The following SPIRE1 variants were observed in gnomAD, a reference collection of about 807,000 sequenced individuals.
The protein encoded by SPIRE1 is protein spire homolog 1.
Under a neutral mutation model 94.1 loss-of-function variants are expected in SPIRE1, and 40 were observed. The observed-to-expected ratio is 0.43, with a 90% CI of 0.33 to 0.55. The LOEUF (loss-of-function observed/expected upper bound fraction) is 0.55. Among genes scored for constraint, SPIRE1 ranks in the 20% least tolerant of loss-of-function variants. The pLI is 0.06. For missense variants in SPIRE1, 838 were observed against 975.2 expected, an observed-to-expected ratio of 0.86 and a Z score of 1.87; for synonymous variants, 376 against 371.7, an observed-to-expected ratio of 1.01 and a Z score of -0.13.
chr18:12,635,861 C>A (rs752589850), intron 1 of SPIRE1, among the ~76,000 whole-genome samples: 4 of 151,504 alleles, frequency 2.6e-5, no homozygotes, highest in Non-Finnish European at 5.9e-5. Context: ...AATTATACTG[C>A]GTACTAGAAA....
chr18:12,509,267 T>C (rs2033946074), intron 5 of SPIRE1, among the ~76,000 whole-genome samples: 1 of 152,238 alleles, frequency 6.6e-6, no homozygotes, highest in Non-Finnish European at 1.5e-5. Flanking sequence ...TCTACGCAAA[T>C]ATAACTCCCT....
chr18:12,477,940 T>G (rs2143740295), intron 10 of SPIRE1, among the ~76,000 whole-genome samples: 2 of 152,080 alleles, frequency 1.3e-5, no homozygotes, highest in South Asian at 4.2e-4. Context: ...CAGGGAGCCT[T>G]CCGAAGGTTT....
At position 12,559,847 on chromosome 18, in the gene SPIRE1, C is replaced by G. The variant is rs969518211; in HGVS notation, c.373-12943G>C. Among the ~76,000 whole-genome samples, 2 of 152,158 alleles carry G rather than the reference C, an allele frequency of 1.3e-5. No individual in the cohort carries two copies. Among genetic ancestry groups the G allele is most frequent in the African/African-American group, 4.8e-5 (2 of 41,424 alleles). Reference sequence around the variant, plus strand: ...GAGAAAATATGTGCAAACTGTCCATCTGACAAGGGGTAATAACCACAATAT... The same window carrying G: ...GAGAAAATATGTGCAAACTGTCCATGTGACAAGGGGTAATAACCACAATAT... On this transcript the variant is annotated intron_variant, in intron 2 of 16. Transcript: ENST00000409402. The surrounding 1 kb of genome is among the most constrained non-coding windows in gnomAD (Gnocchi z 4.7).
intron 16 of SPIRE1, 72 bp from the exon 17 acceptor site, chr18:12,449,968 T>A: frequency 1.4e-6 from 2 of 1,433,752 alleles, no homozygotes; most frequent in Admixed American, 2.2e-5. Flanking sequence ...AAAATATGTA[T>A]AAAAAAAAGT....
chr18:12,471,086 CAA>C (rs1245252171), intron 10 of SPIRE1, among the ~76,000 whole-genome samples: 1 of 118,550 alleles, frequency 8.4e-6, no homozygotes, highest in Non-Finnish European at 1.7e-5. Flanking sequence ...TGGCTACAAT[CAA>C]AACTCATCTT....
chr18:12,470,439 A>G (rs769746796), intron 10 of SPIRE1, among the ~76,000 whole-genome samples: 1 of 152,132 alleles, frequency 6.6e-6, no homozygotes, highest in East Asian at 1.9e-4. Context: ...GTCCCTGAAT[A>G]CCCACAACAG....
intron 14 of SPIRE1, 121 bp from the exon 15 acceptor site, chr18:12,452,633 C>G: frequency 1.0e-6 from 1 of 996,278 alleles, no homozygotes; most frequent in East Asian, 2.5e-5. Flanking sequence ...CTCCCTTCTT[C>G]TATTAGAATG....
At chr18:12,566,986 T>G (rs1003218569) in intron 2 of SPIRE1, among the ~76,000 whole-genome samples, 49 of 152,238 alleles carry the variant, frequency 3.2e-4, no homozygotes, top group African/African-American at 1.1e-3. Context: ...CCAAGAAAAT[T>G]ATACACCACA....
chr18:12,612,987 A>G (rs1284927359), intron 2 of SPIRE1, among the ~76,000 whole-genome samples: 1 of 152,160 alleles, frequency 6.6e-6, no homozygotes, highest in Non-Finnish European at 1.5e-5. Flanking sequence ...TACTTTCCAT[A>G]GCACTCAGCA....
At chr18:12,594,183 G>T (rs1337630770) in intron 2 of SPIRE1, among the ~76,000 whole-genome samples, 1 of 152,094 alleles carries the variant, frequency 6.6e-6, no homozygotes, top group African/African-American at 2.4e-5. Context: ...CAAATACCTA[G>T]AAGTTAAAGA....
chr18:12,461,604 CAT>C (rs755435509), intron 12 of SPIRE1, among the ~76,000 whole-genome samples: 13 of 59,946 alleles, frequency 2.2e-4, no homozygotes, highest in Admixed American at 1.1e-3. Flanking sequence ...CATACACACA[CAT>C]ATACACACAC....
chr18:12,527,440 G>GTT (rs1191833845), intron 4 of SPIRE1, among the ~76,000 whole-genome samples: 1 of 152,134 alleles, frequency 6.6e-6, no homozygotes, highest in East Asian at 1.9e-4. Context: ...GATACCCAGG[G>GTT]TTTATATATA....
chr18:12,546,355 G>T (rs746175732), intron 3 of SPIRE1, among the ~76,000 whole-genome samples: 1 of 151,934 alleles, frequency 6.6e-6, no homozygotes, highest in Non-Finnish European at 1.5e-5. Context: ...ATAACAGCTT[G>T]GACACAGTGG....
At chr18:12,517,405 T>G (rs2034228634) in intron 4 of SPIRE1, among the ~76,000 whole-genome samples, 1 of 152,234 alleles carries the variant, frequency 6.6e-6, no homozygotes, top group Non-Finnish European at 1.5e-5. Flanking sequence ...ACAAGCTTGA[T>G]CAAATATGTG....
intron 2 of SPIRE1, among the ~76,000 whole-genome samples, chr18:12,549,643 G>A (rs1046659292): frequency 6.6e-6 from 1 of 151,396 alleles, no homozygotes; most frequent in African/African-American, 2.4e-5. Context: ...TAGAGTCGGG[G>A]TTTCACCATG....
At chr18:12,620,655 G>A (rs2037440248) in intron 2 of SPIRE1, among the ~76,000 whole-genome samples, 1 of 152,090 alleles carries the variant, frequency 6.6e-6, no homozygotes, top group Non-Finnish European at 1.5e-5. Context: ...AAAATTAACT[G>A]AAATCGATCA....
At chr18:12,536,511 T>TA (rs5823224) in intron 3 of SPIRE1, among the ~76,000 whole-genome samples, 139 of 135,554 alleles carry the variant, frequency 1.0e-3, no homozygotes, top group Middle Eastern at 3.8e-3. Context: ...TGTAACGTAG[T>TA]AAAAAAAAAA....
chr18:12,564,452 A>C (rs2035766175), intron 2 of SPIRE1, among the ~76,000 whole-genome samples: 1 of 152,238 alleles, frequency 6.6e-6, no homozygotes, highest in Non-Finnish European at 1.5e-5. Flanking sequence ...TTAAAACACC[A>C]TGAACAAAGT....
rs1432563788 is a variant in SPIRE1 at position 12,626,896 on chromosome 18, T to A, written c.372+8166A>T. ...TATATATATATATATATTTTTTTTT[T>A]TTTTTTGCCCAGAGGATGATCATTT... On this transcript the variant is annotated intron_variant, in intron 2 of 16. Transcript: ENST00000409402. Among the ~76,000 whole-genome samples the A allele has an allele frequency of 1.7e-3, 224 of 132,164 alleles. 1 individual carries two copies. The highest frequency in any genetic ancestry group is 6.2e-3 in the African/African-American group (215 of 34,850). The allele number at this position is 132,164 out of a possible 152,430, so 86.7% of individuals were successfully genotyped here.
Sources: gnomAD v4.1 joint callset for allele counts (sites outside exome capture counted in the v4.1 genomes callset) on GRCh38, gnomAD v4.1.1 for gene constraint, Gnocchi (gnomAD v3.1) non-coding constraint, MANE v1.5 for transcripts, NCBI Gene and HGNC (gene_info 2026-07-23, HGNC 2026-07-21) for gene names.